Variants in SLC23A2 observed in about 807,000 individuals in gnomAD.
SLC23A2 encodes Na(+)/L-ascorbic acid transporter 2.
Under a neutral mutation model 73.3 loss-of-function variants are expected in SLC23A2, and 36 were observed. The observed-to-expected ratio is 0.49, with a 90% CI of 0.38 to 0.65. The LOEUF is 0.65. Among genes scored for constraint, SLC23A2 ranks in the 30% least tolerant of loss-of-function variants. SLC23A2 has a pLI of 0.00. For missense variants in SLC23A2, 507 were observed against 841.6 expected (o/e 0.60, Z 4.92); for synonymous variants, 343 against 327.3 (o/e 1.05, Z -0.52).
chr20:4,971,204 C>T (rs1023159816), intron 1 of SLC23A2, among the ~76,000 whole-genome samples: 24 of 151,538 alleles, frequency 1.6e-4, no homozygotes, highest in Admixed American at 5.9e-4. Flanking sequence ...CAGTGGCTCA[C>T]ACCTGTAACC....
At chr20:4,931,500 T>C (rs1239441273) in intron 3 of SLC23A2, among the ~76,000 whole-genome samples, 2 of 152,178 alleles carry the variant, frequency 1.3e-5, no homozygotes, top group African/African-American at 4.8e-5. Context: ...CTCATGCTTA[T>C]AATCCCAGTG....
At chr20:4,907,026 A>G (rs561778773) in intron 4 of SLC23A2, among the ~76,000 whole-genome samples, 1 of 152,320 alleles carries the variant, frequency 6.6e-6, no homozygotes, top group East Asian at 1.9e-4. Flanking sequence ...TTAACTCCGC[A>G]AACTGGTCAG....
At position 4,862,083 on chromosome 20, in the gene SLC23A2, T is replaced by C; in HGVS notation, c.1489A>G (p.Met497Val). The C allele has an allele frequency of 6.2e-7, 1 of 1,614,046 alleles. No individual in the cohort carries two copies. Among genetic ancestry groups the C allele is most frequent in the Non-Finnish European group, 8.5e-7 (1 of 1,179,968 alleles). The change falls in exon 15 of 17, where the codon ATG becomes GTG. Residue 497 changes from methionine to valine, a missense_variant and splice_region_variant. Met to Val is a conservative substitution (Grantham distance 21). Transcript: ENST00000338244. This position sits in a 1 kb window ranked among gnomAD's most constrained non-coding sequence, Gnocchi z 5.1. ...LGALFCTLFG[M>V]ITAVGLSNLQ... The stretch of plus-strand genomic sequence containing the variant: ...TTAGAGAGGCCAACAGCTGTGATCA[T>C]TCCTGGAGAAAAACAAACCAGACCA...
rs908349042 is a variant in SLC23A2 at position 4,855,174 on chromosome 20, C to A, written c.*1798G>T. On this transcript the variant is annotated 3_prime_UTR_variant, in exon 17 of 17. Coordinates refer to ENST00000338244, the MANE Select transcript of SLC23A2 (RefSeq NM_005116.6). ...ATGCAGTGGCTCCGAGGTGTTCTTG[C>A]CAGAATAAACCTTGAAGCCCCAAAC... The A allele has an allele frequency of 5.0e-4, 77 of 152,516 alleles. No individual in the cohort carries two copies. Among genetic ancestry groups the A allele is most frequent in the Non-Finnish European group, 1.2e-4 (8 of 68,028 alleles). The allele number at this position is 152,516 out of a possible 1,614,324, so 9.4% of individuals were successfully genotyped here. A position where few individuals can be genotyped will look rare whatever the true frequency, so the allele number is the denominator to read the frequency against.
In SLC23A2 at chr20:4,899,843, C is replaced by A; in HGVS notation, c.325-131G>T. On this transcript the variant is annotated intron_variant, in intron 5 of 16. Coordinates refer to ENST00000338244, the MANE Select transcript of SLC23A2 (RefSeq NM_005116.6). This position sits in a 1 kb window ranked among gnomAD's most constrained non-coding sequence, Gnocchi z 4.9. ...TAAAGAATCTCCTTGGTTTTTCGACCAAGCCATACTTTTTTCCTTCTTTTT... is the reference window on the plus strand; with the variant it reads ...TAAAGAATCTCCTTGGTTTTTCGACAAAGCCATACTTTTTTCCTTCTTTTT... 8.9e-6 allele frequency: 8 copies of A among 898,346 alleles called. No individual in the cohort carries two copies. Among genetic ancestry groups the A allele is most frequent in the Admixed American group, 2.8e-5 (1 of 36,122 alleles). The allele number at this position is 898,346 out of a possible 1,614,324, so 55.6% of individuals were successfully genotyped here.
At chr20:4,971,381 G>A (rs985907779) in intron 1 of SLC23A2, among the ~76,000 whole-genome samples, 1 of 152,022 alleles carries the variant, frequency 6.6e-6, no homozygotes, top group Non-Finnish European at 1.5e-5. Context: ...AGCTACTCAG[G>A]AGACTGAGAG....
chr20:4,857,449 G>GTCC lies in SLC23A2; in HGVS notation c.1721-248_1721-246dup, dbSNP rs1229410294. Among the ~76,000 whole-genome samples, 1 of 152,062 alleles carries GTCC rather than the reference G, an allele frequency of 6.6e-6. No individual in the cohort carries two copies. The highest frequency in any genetic ancestry group is 1.5e-5 in the Non-Finnish European group (1 of 68,024). On this transcript the variant is annotated intron_variant, in intron 16 of 16. Transcript: ENST00000338244. This position sits in a 1 kb window ranked among gnomAD's most constrained non-coding sequence, Gnocchi z 4.0. Reference sequence around the variant, plus strand: ...GTCTAAGAAGCACTAACCCCTCCATGTCCTCATTCAAGCAATCACCTAATG... The same window carrying GTCC: ...GTCTAAGAAGCACTAACCCCTCCATGTCCTCCTCATTCAAGCAATCACCTAATG...
At chr20:4,905,182 G>A (rs1307650235) in intron 4 of SLC23A2, among the ~76,000 whole-genome samples, 4 of 149,606 alleles carry the variant, frequency 2.7e-5, no homozygotes, top group South Asian at 2.1e-4. Flanking sequence ...ACACACAGGC[G>A]CATGTATGCA....
At chr20:4,900,509 A>T (rs966564356) in intron 5 of SLC23A2, among the ~76,000 whole-genome samples, 1 of 152,148 alleles carries the variant, frequency 6.6e-6, no homozygotes, top group African/African-American at 2.4e-5. Flanking sequence ...TTGCATCTAC[A>T]TTTCTAGGTT....
chr20:4,873,936 A>G lies in SLC23A2; in HGVS notation c.1102T>C (p.Phe368Leu). ...VAPWFKVPYP[F>L]QWGLPTVSAA... Reference sequence around the variant, plus strand: ...CCCCTCTAGCCATCAGAATACTTACATGGGTATGGAACCTTAAACCACGGG... The same window carrying G: ...CCCCTCTAGCCATCAGAATACTTACGTGGGTATGGAACCTTAAACCACGGG... The change falls in exon 11 of 17, where the codon TTT (phenylalanine) becomes CTT (leucine). Residue 368 changes from phenylalanine to leucine, a missense_variant and splice_region_variant. This residue lies in a region of SLC23A2 where 217 missense variants were observed against 398.0 expected (regional missense o/e 0.55). Coordinates refer to ENST00000338244, the MANE Select transcript of SLC23A2 (RefSeq NM_005116.6). 4 of 1,612,392 alleles carry G rather than the reference A, an allele frequency of 2.5e-6. No homozygotes were observed. Among genetic ancestry groups the G allele is most frequent in the Non-Finnish European group, 3.4e-6 (4 of 1,179,108 alleles).
chr20:4,991,720 T>TCACTCA (rs1555809319), intron 1 of SLC23A2, among the ~76,000 whole-genome samples: 1 of 139,314 alleles, frequency 7.2e-6, no homozygotes, highest in Non-Finnish European at 1.5e-5. Context: ...AGACTCCGTT[T>TCACTCA]CACACACACA....
intron 15 of SLC23A2, 126 bp from the exon 16 acceptor site, chr20:4,859,510 T>A (rs966410815): frequency 1.7e-5 from 12 of 707,668 alleles, no homozygotes; most frequent in South Asian, 3.1e-5. Context: ...AGTGTACATT[T>A]CTTAGTTGTG....
In SLC23A2 at chr20:4,963,658, C is replaced by T. The variant is rs1025070726; in HGVS notation, c.-155+7135G>A. 3.3e-5 allele frequency among the ~76,000 whole-genome samples: 5 copies of T among 151,972 alleles called. 1 individual carries two copies. The highest frequency in any genetic ancestry group is 7.4e-5 in the Non-Finnish European group (5 of 67,978). On this transcript the variant is annotated intron_variant, in intron 2 of 16. Coordinates refer to ENST00000338244, the MANE Select transcript of SLC23A2 (RefSeq NM_005116.6). Reference sequence around the variant, plus strand: ...AGGCCAGGAGTTCAAGACCAGCCTGCCCAACATGGTGAAAACTCGTCTCTA... The same window carrying T: ...AGGCCAGGAGTTCAAGACCAGCCTGTCCAACATGGTGAAAACTCGTCTCTA...
intron 9 of SLC23A2, among the ~76,000 whole-genome samples, chr20:4,881,071 C>A (rs987564148): frequency 6.6e-6 from 1 of 152,012 alleles, no homozygotes; most frequent in Non-Finnish European, 1.5e-5. Context: ...GGGGATGAGG[C>A]GAAAGGAAGA....
chr20:4,953,788 C>CT (rs534284562), intron 2 of SLC23A2, among the ~76,000 whole-genome samples: 2 of 152,078 alleles, frequency 1.3e-5, no homozygotes, highest in South Asian at 4.1e-4. Context: ...ACTCGGGAGG[C>CT]TGAGACAGGA....
chr20:4,873,291 G>A (rs1342289165), intron 11 of SLC23A2, among the ~76,000 whole-genome samples: 1 of 152,130 alleles, frequency 6.6e-6, no homozygotes. Flanking sequence ...CAGACGCCGG[G>A]ACTAGAGTCT....
At chr20:4,931,768 C>T (rs766486156) in intron 3 of SLC23A2, among the ~76,000 whole-genome samples, 1 of 150,458 alleles carries the variant, frequency 6.6e-6, no homozygotes, top group Non-Finnish European at 1.5e-5. Flanking sequence ...GGCCTTGTCT[C>T]AAAAAAAAGA....
intron 2 of SLC23A2, among the ~76,000 whole-genome samples, chr20:4,955,796 A>T (rs960571269): frequency 1.7e-4 from 26 of 149,914 alleles, no homozygotes; most frequent in Admixed American, 8.0e-4. Flanking sequence ...CTGAAAAATA[A>T]TTTTTTTTTT....
At chr20:4,978,426 T>C (rs925009697) in intron 1 of SLC23A2, among the ~76,000 whole-genome samples, 21 of 152,186 alleles carry the variant, frequency 1.4e-4, no homozygotes, top group Non-Finnish European at 8.8e-5. Flanking sequence ...TTAAAGTAAC[T>C]AGAGGTCAGA....
Sources: allele counts gnomAD v4.1 joint callset (sites outside exome capture counted in the v4.1 genomes callset), GRCh38; gene constraint gnomAD v4.1.1; regional missense constraint gnomAD v4.1.1; non-coding constraint Gnocchi (gnomAD v3.1); transcripts MANE v1.5; gene names NCBI Gene and HGNC (gene_info 2026-07-23, HGNC 2026-07-21).